GTF2I: variants seen among roughly 807,000 people sequenced by gnomAD.
The protein encoded by GTF2I is general transcription factor IIi, also known as general transcription factor II-I.
A neutral mutation model predicts 67.6 loss-of-function variants in GTF2I; 12 were observed. The ratio of observed to expected loss-of-function variants is 0.18; its 90% confidence interval spans 0.11 to 0.29. The LOEUF (loss-of-function observed/expected upper bound fraction) is 0.29. GTF2I is among the 10% of genes least tolerant of loss of function. The probability of loss-of-function intolerance (pLI) is 1.00; values close to 1 mark genes in which losing one functional copy is unlikely to be tolerated. For synonymous variants in GTF2I, 149 were observed against 197.0 expected (o/e 0.76, Z 2.04); for missense variants, 271 against 580.1 (o/e 0.47, Z 5.47).
intron 1 of GTF2I, chr7:74,688,869 G>T: frequency 2.6e-6 from 1 of 383,524 alleles, no homozygotes; most frequent in Non-Finnish European, 4.7e-6. Flanking sequence ...ACTGATTCTG[G>T]GTGCCACCTG....
intron 12 of GTF2I, among the ~76,000 whole-genome samples, chr7:74,725,070 CAGATAATTGGA>C (rs1793579135): frequency 6.6e-6 from 1 of 152,118 alleles, no homozygotes; most frequent in South Asian, 2.1e-4. Context: ...TTGGAAACGG[CAGATAATTGGA>C]AGAGCAATGC....
intron 1 of GTF2I, 110 bp downstream of exon 1, chr7:74,658,178 GCCT>G (rs1804092507): frequency 6.6e-6 from 1 of 150,996 alleles, no homozygotes; most frequent in Admixed American, 6.6e-5. Context: ...AGGGACAGGG[GCCT>G]GGGAGCCGCG....
In GTF2I at chr7:74,706,392, G is replaced by C; in HGVS notation, c.644G>C (p.Cys215Ser). The C allele has an allele frequency of 6.2e-7, 1 of 1,613,584 alleles. No homozygotes were observed. Among genetic ancestry groups the C allele is most frequent in the South Asian group, 1.1e-5 (1 of 91,024 alleles). ...TCAGGGCTTTCTTCTCCTTGCAGTT[G>C]TGGCCCCATCAAAGTGAAAACTGAA... ...DRSILSPGGS[C>S]GPIKVKTEPT... The change falls in exon 8 of 35, where the codon TGT becomes TCT. Residue 215 changes from cysteine (C) to serine (S), a missense_variant and splice_region_variant. Cys to Ser is a moderately radical substitution (Grantham distance 112, BLOSUM62 -1). This residue lies in a region of GTF2I where 124 missense variants were observed against 147.0 expected (regional missense o/e 0.84). Transcript: ENST00000573035.
chr7:74,695,432 GACTTT>G (rs1484544749), intron 3 of GTF2I, among the ~76,000 whole-genome samples: 3 of 152,126 alleles, frequency 2.0e-5, no homozygotes, highest in African/African-American at 7.2e-5. Context: ...ACATCTGTGT[GACTTT>G]ACTTTATACT....
At chr7:74,706,284 T>G (rs1790671300) in intron 7 of GTF2I, 106 bp from the exon 8 acceptor site, 1 of 846,654 alleles carries the variant, frequency 1.2e-6, no homozygotes, top group Non-Finnish European at 2.0e-6. Context: ...TGCACCCACC[T>G]TGGTCAAGGG....
At chr7:74,709,247 T>G (rs948428353) in intron 8 of GTF2I, among the ~76,000 whole-genome samples, 1 of 152,126 alleles carries the variant, frequency 6.6e-6, no homozygotes, top group East Asian at 1.9e-4. Context: ...CCTTTTTATT[T>G]TTATTTATTT....
At chr7:74,672,898 C>A (rs981404901) in intron 1 of GTF2I, among the ~76,000 whole-genome samples, 1 of 152,092 alleles carries the variant, frequency 6.6e-6, no homozygotes, top group Non-Finnish European at 1.5e-5. Context: ...TCTCATTCTG[C>A]TGCCCAGGCT....
intron 1 of GTF2I, among the ~76,000 whole-genome samples, chr7:74,675,418 C>A (rs905493625): frequency 3.0e-4 from 45 of 151,866 alleles, no homozygotes; most frequent in African/African-American, 9.2e-4. Flanking sequence ...CCATGTTCTC[C>A]TTTTTTTTAA....
intron 12 of GTF2I, among the ~76,000 whole-genome samples, chr7:74,723,257 C>A (rs1177391981): frequency 1.3e-5 from 2 of 150,762 alleles, no homozygotes; most frequent in Non-Finnish European, 2.9e-5. Context: ...CTCCGAGTAG[C>A]TGGGATTATA....
chr7:74,695,528 T>A (rs142322783), intron 3 of GTF2I, among the ~76,000 whole-genome samples: 9 of 152,284 alleles, frequency 5.9e-5, no homozygotes, highest in African/African-American at 2.2e-4. Context: ...CTGATGTCAG[T>A]TTAGATTAAA....
chr7:74,660,214 G>A (rs1465832084), intron 1 of GTF2I, among the ~76,000 whole-genome samples: 1 of 151,016 alleles, frequency 6.6e-6, no homozygotes, highest in African/African-American at 2.4e-5. Flanking sequence ...TTGTTGAGAG[G>A]GTTTCGTTCT....
At chr7:74,689,253 A>G (rs1275712665) in intron 2 of GTF2I, 26 bp downstream of exon 2, 2 of 1,253,126 alleles carry the variant, frequency 1.6e-6, no homozygotes, top group Admixed American at 1.7e-5. Context: ...CCATCATTCC[A>G]TAGTTGGGTA....
At chr7:74,674,450 A>T (rs1352367544) in intron 1 of GTF2I, among the ~76,000 whole-genome samples, 1 of 152,210 alleles carries the variant, frequency 6.6e-6, no homozygotes, top group African/African-American at 2.4e-5. Context: ...AGAGACTTGC[A>T]TTCAAGTTCT....
intron 9 of GTF2I, among the ~76,000 whole-genome samples, chr7:74,712,780 A>C (rs1269828944): frequency 1.3e-5 from 2 of 150,852 alleles, no homozygotes; most frequent in Admixed American, 1.3e-4. Context: ...TCTCTGCCTC[A>C]GCTGGGATTT....
At chr7:74,697,930 A>T (rs1789122746) in intron 3 of GTF2I, among the ~76,000 whole-genome samples, 1 of 94,258 alleles carries the variant, frequency 1.1e-5, no homozygotes, top group African/African-American at 4.7e-5. Context: ...CACCATGCCC[A>T]GCTAATTTTT....
intron 9 of GTF2I, among the ~76,000 whole-genome samples, chr7:74,712,278 T>C (rs1335552631): frequency 6.6e-6 from 1 of 152,202 alleles, no homozygotes; most frequent in African/African-American, 2.4e-5. Context: ...AAAAGCATAG[T>C]ATCAGTCTGC....
At chr7:74,684,284 A>G (rs782676552) in intron 1 of GTF2I, among the ~76,000 whole-genome samples, 5 of 152,234 alleles carry the variant, frequency 3.3e-5, no homozygotes, top group Non-Finnish European at 5.9e-5. Flanking sequence ...GAGGGTATTC[A>G]TAAAAGGGAT....
chr7:74,698,063 C>T (rs1348309051), intron 3 of GTF2I, among the ~76,000 whole-genome samples: 1 of 152,238 alleles, frequency 6.6e-6, no homozygotes, highest in Non-Finnish European at 1.5e-5. Context: ...TCACGCCATT[C>T]TCTTGCCCCA....
chr7:74,703,230 G>T (rs1790079113), intron 6 of GTF2I, among the ~76,000 whole-genome samples: 2 of 151,812 alleles, frequency 1.3e-5, no homozygotes, highest in South Asian at 4.1e-4. Context: ...TGTTATCCAG[G>T]CTGGAGTACA....
Sources: allele counts gnomAD v4.1 joint callset (sites outside exome capture counted in the v4.1 genomes callset), GRCh38; gene constraint gnomAD v4.1.1; regional missense constraint gnomAD v4.1.1; transcripts MANE v1.5; gene names NCBI Gene and HGNC (gene_info 2026-07-23, HGNC 2026-07-21).